Variants in FLNB observed in about 807,000 individuals in gnomAD.
The protein encoded by FLNB is filamin B.
In FLNB, 111 loss-of-function variants were observed where a neutral mutation model predicts 250.6. That is an observed-to-expected ratio of 0.44 (90% CI 0.38 to 0.52). FLNB has a LOEUF of 0.52. FLNB is among the 20% of genes least tolerant of loss of function. The pLI is 0.00. For synonymous variants in FLNB, 1,302 were observed against 1,372.1 expected (o/e 0.95, Z 1.13); for missense variants, 2,869 against 3,447.8 (o/e 0.83, Z 4.20).
intron 4 of FLNB, among the ~76,000 whole-genome samples, chr3:58,086,413 A>G (rs1026964176): frequency 1.2e-4 from 18 of 151,954 alleles, no homozygotes; most frequent in South Asian, 8.3e-4. Flanking sequence ...TCACTTCCCA[A>G]CTGCCAATCT....
Position 58,121,306 on chromosome 3 carries a change from C to T in FLNB, c.2929C>T (p.Leu977=). 6.2e-7 allele frequency: 1 copy of T among 1,614,194 alleles called. No homozygotes were observed. Among genetic ancestry groups the T allele is most frequent in the Non-Finnish European group, 8.5e-7 (1 of 1,180,030 alleles). The change falls in exon 20 of 46, where the codon CTG becomes TTG. Residue 977 remains leucine, a synonymous_variant. Coordinates refer to ENST00000295956, the MANE Select transcript of FLNB (RefSeq NM_001457.4). ...DTRGAGGQGK[L]DVTILSPSRK... ...CAGGGGGGCAGGAGGCCAGGGGAAG[C>T]TGGACGTGACAATCCTCAGCCCCTC...
chr3:58,157,762 G>A (rs1209825745), intron 41 of FLNB, among the ~76,000 whole-genome samples: 1 of 152,196 alleles, frequency 6.6e-6, no homozygotes, highest in African/African-American at 2.4e-5. Flanking sequence ...GCGGATTCAG[G>A]TAATGTAAAT....
In FLNB at chr3:58,145,933, A is replaced by G; in HGVS notation, c.5438A>G (p.Gln1813Arg). 1 of 1,614,214 alleles carries G rather than the reference A, an allele frequency of 6.2e-7. No individual in the cohort carries two copies. The highest frequency in any genetic ancestry group is 8.5e-7 in the Non-Finnish European group (1 of 1,180,040). ...TTCGTAAACCCAGAGAGCCCACTCC[A>G]GTTCTACGTGAACTACCCCAACAGT... ...MGSHIPESPL[Q>R]FYVNYPNSGS... Residue 1813 changes from glutamine (Q) to arginine (R), a missense_variant, in exon 33 of 46, where the codon CAG (glutamine) becomes CGG (arginine). Physicochemically the swap from Gln to Arg is conservative, Grantham distance 43. Transcript: ENST00000295956.
intron 1 of FLNB, among the ~76,000 whole-genome samples, chr3:58,023,471 A>C (rs2097117549): frequency 6.6e-6 from 1 of 152,208 alleles, no homozygotes; most frequent in African/African-American, 2.4e-5. Flanking sequence ...AAGAACACAG[A>C]AAAATATAAA....
rs1366136585 is a variant in FLNB, at chr3:58,121,360, C to T, written c.2983C>T (p.Pro995Ser). ...GAAGGTCGTGCCATGCCTAGTGACA[C>T]CTGTGACAGGCCGGGAGAACAGCAC... ...SRKVVPCLVTPVTGRENSTAK... is the reference protein window; with the variant it reads ...SRKVVPCLVTSVTGRENSTAK... Residue 995 changes from proline to serine, a missense_variant, in exon 20 of 46, where the codon CCT (proline) becomes TCT (serine). Coordinates refer to ENST00000295956, the MANE Select transcript of FLNB (RefSeq NM_001457.4). 1.9e-6 allele frequency: 3 copies of T among 1,614,044 alleles called. No individual in the cohort carries two copies. Among genetic ancestry groups the T allele is most frequent in the Non-Finnish European group, 1.7e-6 (2 of 1,180,040 alleles).
chr3:58,136,495 C>G (rs1229261489), intron 28 of FLNB, among the ~76,000 whole-genome samples: 3 of 152,142 alleles, frequency 2.0e-5, no homozygotes, highest in African/African-American at 7.2e-5. Context: ...CTGATGGCGG[C>G]TCCCATGAAA....
intron 1 of FLNB, among the ~76,000 whole-genome samples, chr3:58,035,874 G>T (rs188137262): frequency 6.6e-6 from 1 of 152,276 alleles, no homozygotes; most frequent in African/African-American, 2.4e-5. Flanking sequence ...GGCCTGGGGC[G>T]GCAGCATGGG....
At chr3:58,152,714 G>A (rs1360841823) in intron 38 of FLNB, 11 of 1,315,932 alleles carry the variant, frequency 8.4e-6, no homozygotes, top group Non-Finnish European at 1.1e-5. Flanking sequence ...TCAGGGGTCA[G>A]AGTCATGAAC....
At position 58,170,831 on chromosome 3, in the gene FLNB, T is replaced by G. The variant is rs888942105; in HGVS notation, c.*69T>G. The G allele has an allele frequency of 7.0e-7, 1 of 1,428,790 alleles. No homozygotes were observed. Among genetic ancestry groups the G allele is most frequent in the Admixed American group, 1.9e-5 (1 of 53,138 alleles). 88.5% of individuals were successfully genotyped at this position (1,428,790 alleles called of 1,614,324 possible). On this transcript the variant is annotated 3_prime_UTR_variant, in exon 46 of 46. Transcript: ENST00000295956. ...TGTTGCTTGTTTGTAATTCATTTTA[T>G]ACAAAGCCCTCCAGCCTGTTTGTGG...
At chr3:58,090,716 A>T (rs1268208584) in intron 4 of FLNB, among the ~76,000 whole-genome samples, 1 of 152,236 alleles carries the variant, frequency 6.6e-6, no homozygotes, top group Non-Finnish European at 1.5e-5. Flanking sequence ...TATAATGAAG[A>T]AGTATGCATT....
At position 58,121,284 on chromosome 3, in the gene FLNB, G is replaced by T; in HGVS notation, c.2907G>T (p.Arg969Ser). The T allele has an allele frequency of 1.2e-6, 2 of 1,614,140 alleles. No homozygotes were observed. The highest frequency in any genetic ancestry group is 1.7e-6 in the Non-Finnish European group (2 of 1,180,014). ...GKDQEFTVDTRGAGGQGKLDV... is the reference protein window; with the variant it reads ...GKDQEFTVDTSGAGGQGKLDV... ...ATCAGGAGTTCACCGTTGATACCAG[G>T]GGGGCAGGAGGCCAGGGGAAGCTGG... Residue 969 changes from arginine (R) to serine (S), a missense_variant, in exon 20 of 46, where the codon AGG (arginine) becomes AGT (serine). Arg to Ser is a moderately radical substitution (Grantham distance 110). This residue lies in a region of FLNB where 1,348 missense variants were observed against 1,466.7 expected (regional missense o/e 0.92). Transcript: ENST00000295956.
At position 58,148,268 on chromosome 3, in the gene FLNB, A is replaced by G. The variant is rs1487042616; in HGVS notation, c.5791A>G (p.Ser1931Gly). 2 of 1,614,078 alleles carry G rather than the reference A, an allele frequency of 1.2e-6. No individual in the cohort carries two copies. The highest frequency in any genetic ancestry group is 1.7e-5 in the Admixed American group (1 of 60,004). The change falls in exon 35 of 46, where the codon AGT becomes GGT. Residue 1931 changes from serine (S) to glycine (G), a missense_variant. Physicochemically the swap from Ser to Gly is moderately conservative, Grantham distance 56 (BLOSUM62 0). Coordinates refer to ENST00000295956, the MANE Select transcript of FLNB (RefSeq NM_001457.4). ...AGCCGCTGACTTCCTGCTCGACATC[A>G]GTGAGACTGACCTCAGCAGCCTGAC... ...GSAADFLLDI[S>G]ETDLSSLTAS...
rs142076329 is a variant in FLNB, at chr3:58,098,321, G to C, written c.1147+344G>C. On this transcript the variant is annotated intron_variant, in intron 7 of 45. Coordinates refer to ENST00000295956, the MANE Select transcript of FLNB (RefSeq NM_001457.4). The stretch of plus-strand genomic sequence containing the variant: ...GGACCTCTCTGAGGGCCTGTCTCCT[G>C]TTTACTTGTTTTGTTGTTGTTGTTG... 1.6e-3 allele frequency among the ~76,000 whole-genome samples: 237 copies of C among 152,228 alleles called. 1 individual carries two copies. Among genetic ancestry groups the C allele is most frequent in the African/African-American group, 5.4e-3 (225 of 41,538 alleles).
intron 1 of FLNB, among the ~76,000 whole-genome samples, chr3:58,050,728 G>A (rs1193749475): frequency 3.9e-5 from 6 of 152,212 alleles, no homozygotes. Flanking sequence ...AAGACCCTAA[G>A]TCTCCAGATT....
rs1264328291 is a variant in FLNB at position 58,081,705 on chromosome 3, A to G, written c.716A>G (p.Lys239Arg). 3 of 1,614,130 alleles carry G rather than the reference A, an allele frequency of 1.9e-6. No individual in the cohort carries two copies. Among genetic ancestry groups the G allele is most frequent in the Non-Finnish European group, 2.5e-6 (3 of 1,180,002 alleles). ...SVMTYLSQFP[K>R]AKLKPGAPLK... is the part of the protein sequence containing the mutation. ...ATGACTTACCTGTCCCAGTTCCCCAAAGCCAAGCTCAAGCCGGGGGCTCCT... is the reference window on the plus strand; with the variant it reads ...ATGACTTACCTGTCCCAGTTCCCCAGAGCCAAGCTCAAGCCGGGGGCTCCT... Residue 239 changes from lysine to arginine, a missense_variant, in exon 4 of 46, where the codon AAA becomes AGA. Transcript: ENST00000295956.
intron 1 of FLNB, among the ~76,000 whole-genome samples, chr3:58,036,436 G>A (rs1446227778): frequency 6.6e-6 from 1 of 152,148 alleles, no homozygotes; most frequent in Non-Finnish European, 1.5e-5. Flanking sequence ...GTTGGAGATG[G>A]AGTCACAGGG....
At position 58,021,591 on chromosome 3, in the gene FLNB, T is replaced by G. The variant is rs181865051; in HGVS notation, c.292+12735T>G. 1.5e-4 allele frequency among the ~76,000 whole-genome samples: 23 copies of G among 152,216 alleles called. No individual in the cohort carries two copies. In the East Asian group the frequency reaches 3.7e-3, roughly 24 times the overall value. ...CAAGCTAGCACCTGGGGGATGGCTC[T>G]CCCATCAGGGAGTCCTTTACAGGAT... On this transcript the variant is annotated intron_variant, in intron 1 of 45. Transcript: ENST00000295956.
chr3:58,018,242 T>A (rs1280588738), intron 1 of FLNB, among the ~76,000 whole-genome samples: 1 of 151,596 alleles, frequency 6.6e-6, no homozygotes, highest in African/African-American at 2.4e-5. Flanking sequence ...AGAAGGTGAG[T>A]CCTTTTAAAG....
intron 1 of FLNB, among the ~76,000 whole-genome samples, chr3:58,038,372 C>T (rs190643613): frequency 6.7e-4 from 102 of 151,706 alleles, no homozygotes; most frequent in African/African-American, 2.1e-3. Flanking sequence ...AAGCTGCTGA[C>T]GTCTTTTTGG....
Sources: gnomAD v4.1 joint callset for allele counts (sites outside exome capture counted in the v4.1 genomes callset) on GRCh38, gnomAD v4.1.1 for gene constraint, gnomAD v4.1.1 regional missense constraint, MANE v1.5 for transcripts, NCBI Gene and HGNC (gene_info 2026-07-23, HGNC 2026-07-21) for gene names.